ERCC6: variants seen among roughly 807,000 people sequenced by gnomAD.
ERCC6 encodes ERCC excision repair 6, chromatin remodeling factor.
ERCC6 carries 116 observed loss-of-function variants against 158.7 expected under a neutral mutation model. The ratio of observed to expected loss-of-function variants is 0.73; its 90% CI spans 0.63 to 0.85. The LOEUF (loss-of-function observed/expected upper bound fraction) is 0.85. Among genes scored for constraint, ERCC6 ranks in the 40% least tolerant of loss-of-function variants. The pLI, the probability that ERCC6 is intolerant of heterozygous loss-of-function variation, is 0.00. For synonymous variants in ERCC6, 678 were observed against 659.3 expected, an observed-to-expected ratio of 1.03 and a Z score of -0.43; for missense variants, 1,698 against 1,799.4, an observed-to-expected ratio of 0.94 and a Z score of 1.02.
chr10:49,496,201 T>G (rs1226330313), intron 7 of ERCC6, among the ~76,000 whole-genome samples: 1 of 152,134 alleles, frequency 6.6e-6, no homozygotes, highest in African/African-American at 2.4e-5. Flanking sequence ...CCTGTCCCTT[T>G]CTCTGTAAAC....
At chr10:49,530,577 C>A in intron 3 of ERCC6, 143 bp downstream of exon 3, 1 of 1,369,158 alleles carries the variant, frequency 7.3e-7, no homozygotes, top group Non-Finnish European at 9.7e-7. Flanking sequence ...ATTAAACATA[C>A]AAAAGAAACC....
intron 10 of ERCC6, among the ~76,000 whole-genome samples, chr10:49,481,248 G>C (rs530154728): frequency 2.6e-5 from 4 of 152,188 alleles, no homozygotes; most frequent in African/African-American, 9.7e-5. Context: ...GTGAATCTGG[G>C]TGAAGTGTTA....
At chr10:49,495,182 T>C (rs1300041706) in intron 7 of ERCC6, among the ~76,000 whole-genome samples, 2 of 152,172 alleles carry the variant, frequency 1.3e-5, no homozygotes, top group African/African-American at 4.8e-5. Flanking sequence ...TCAGTCTTGC[T>C]GGGAGTTGGG....
intron 4 of ERCC6, among the ~76,000 whole-genome samples, chr10:49,527,129 C>G (rs1293827609): frequency 6.6e-6 from 1 of 152,174 alleles, no homozygotes; most frequent in Admixed American, 6.5e-5. Context: ...AAAAGGGGCT[C>G]TTGGATTTGA....
chr10:49,475,326 C>T, intron 12 of ERCC6: 1 of 391,414 alleles, frequency 2.6e-6, no homozygotes, highest in Non-Finnish European at 5.1e-6. Flanking sequence ...ATTAATTTCA[C>T]CTGTTTCTCT....
rs1315875811 is a variant in ERCC6, at chr10:49,493,238, C to A, written c.1700G>T (p.Gly567Val). The change falls in exon 8 of 21, where the codon GGT (glycine) becomes GTT (valine). Residue 567 changes from glycine to valine, a missense_variant. Transcript: ENST00000355832. ...RGSNYRFEGL[G>V]PTVIVCPTTV... ...TGTTGGACAGACAATTACAGTTGGA[C>A]CCAACCCCTCAAACCTGCATCCAAA... 6.2e-7 allele frequency: 1 copy of A among 1,613,942 alleles called. No homozygotes were observed. The highest frequency in any genetic ancestry group is 8.5e-7 in the Non-Finnish European group (1 of 1,180,016).
rs752888214 is a variant in ERCC6, at chr10:49,472,867, T to G, written c.2829+42A>C. On this transcript the variant is annotated intron_variant, in intron 15 of 20. Coordinates refer to ENST00000355832, the MANE Select transcript of ERCC6 (RefSeq NM_000124.4). Reference sequence around the variant, plus strand: ...CAAAAGCGCTAACCATGAAACTATATTTCTACTAATACATTCTTTTAAAAA... The same window carrying G: ...CAAAAGCGCTAACCATGAAACTATAGTTCTACTAATACATTCTTTTAAAAA... 1.9e-6 allele frequency: 3 copies of G among 1,601,612 alleles called. No individual in the cohort carries two copies. In the Admixed American group the frequency reaches 5.0e-5, roughly 27 times the overall value.
chr10:49,440,682 C>G, the ERCC6 span, among the ~76,000 whole-genome samples: 1 of 152,152 alleles, frequency 6.6e-6, no homozygotes, highest in Non-Finnish European at 1.5e-5. Context: ...CCATTTAATT[C>G]TGCCTTCAAA....
At chr10:49,495,550 G>C (rs1851252618) in intron 7 of ERCC6, among the ~76,000 whole-genome samples, 1 of 152,012 alleles carries the variant, frequency 6.6e-6, no homozygotes, top group South Asian at 2.1e-4. Context: ...TCACTCTTCT[G>C]AACTCCAAAC....
At chr10:49,439,686 T>G in the ERCC6 span, among the ~76,000 whole-genome samples, 25 of 152,302 alleles carry the variant, frequency 1.6e-4, no homozygotes, top group Admixed American at 1.1e-3. Flanking sequence ...GCTGCAAATT[T>G]TCCAAACTTT....
intron 5 of ERCC6, among the ~76,000 whole-genome samples, chr10:49,513,445 T>G (rs942530833): frequency 6.6e-6 from 1 of 152,222 alleles, no homozygotes. Flanking sequence ...ATTCATTTAA[T>G]CTTTACAACC....
intron 18 of ERCC6, among the ~76,000 whole-genome samples, chr10:49,464,678 T>C (rs947725559): frequency 1.3e-5 from 2 of 152,106 alleles, no homozygotes; most frequent in Admixed American, 6.5e-5. Context: ...GTGTACTGTG[T>C]CCCAGCCACT....
intron 5 of ERCC6, among the ~76,000 whole-genome samples, chr10:49,522,780 G>A (rs1174340006): frequency 6.6e-6 from 1 of 152,118 alleles, no homozygotes; most frequent in African/African-American, 2.4e-5. Context: ...CAAGAGTACT[G>A]GGCAACATTC....
chr10:49,535,201 ACT>A (rs555789691), intron 1 of ERCC6, among the ~76,000 whole-genome samples: 6 of 152,242 alleles, frequency 3.9e-5, no homozygotes, highest in South Asian at 2.1e-4. Flanking sequence ...CAAAAATGAG[ACT>A]CTCAAAAAGG....
At chr10:49,515,022 G>A (rs562947169) in intron 5 of ERCC6, among the ~76,000 whole-genome samples, 38 of 152,308 alleles carry the variant, frequency 2.5e-4, no homozygotes, top group African/African-American at 8.7e-4. Flanking sequence ...AATGAAAGGT[G>A]TGTGCAGAGC....
rs997766228 is a variant in ERCC6 at position 49,455,351 on chromosome 10, C to A, written c.*3464G>T. On this transcript the variant is annotated 3_prime_UTR_variant, in exon 21 of 21. Transcript: ENST00000355832. Reference sequence around the variant, plus strand: ...TATTATTCTCAAATTAATGTGTAAACAAATGCAATCCTAGTCAAAAGAACA... The same window carrying A: ...TATTATTCTCAAATTAATGTGTAAAAAAATGCAATCCTAGTCAAAAGAACA... The A allele has an allele frequency of 1.3e-5, 2 of 152,098 alleles. No homozygotes were observed. The highest frequency in any genetic ancestry group is 4.1e-4 in the South Asian group (2 of 4,826). 9.4% of individuals were successfully genotyped at this position (152,098 alleles called of 1,614,324 possible).
chr10:49,505,899 A>T lies in ERCC6; in HGVS notation c.1511T>A (p.Phe504Tyr). The T allele has an allele frequency of 6.2e-7, 1 of 1,613,318 alleles. No individual in the cohort carries two copies. Among genetic ancestry groups the T allele is most frequent in the Non-Finnish European group, 8.5e-7 (1 of 1,179,500 alleles). Residue 504 changes from phenylalanine to tyrosine, a missense_variant, in exon 6 of 21, where the codon TTC becomes TAC. Physicochemically the swap from Phe to Tyr is conservative, Grantham distance 22. Transcript: ENST00000355832. ...DEGFKVPGFL[F>Y]KKLFKYQQTG... is the part of the protein sequence containing the mutation. ...TGGTACATACTTAAAAAGCTTTTTGAACAGAAAACCTGGCACTTTAAAACC... is the reference window on the plus strand; with the variant it reads ...TGGTACATACTTAAAAAGCTTTTTGTACAGAAAACCTGGCACTTTAAAACC...
At chr10:49,515,108 T>C in intron 5 of ERCC6, 1 of 1,041,644 alleles carries the variant, frequency 9.6e-7, no homozygotes, top group Non-Finnish European at 1.3e-6. Context: ...TAAGAAAACA[T>C]CTTTAACCCA....
Position 49,460,387 on chromosome 10 carries a change from T to G in ERCC6, c.4048A>C (p.Thr1350Pro), listed in dbSNP as rs1245390494. The change falls in exon 20 of 21, where the codon ACA becomes CCA. Residue 1350 changes from threonine (T) to proline (P), a missense_variant. Transcript: ENST00000355832. Reference sequence around the variant, plus strand: ...ATCTATATTACCTGGCACTTCTCTGTTGGAGATGTTGATGAAGGATGCTGC... The same window carrying G: ...ATCTATATTACCTGGCACTTCTCTGGTGGAGATGTTGATGAAGGATGCTGC... ...SVQHPSSTSP[T>P]EKCQDGIMKK... is the part of the protein sequence containing the mutation. The G allele has an allele frequency of 1.2e-5, 19 of 1,612,592 alleles. No individual in the cohort carries two copies. The highest frequency in any genetic ancestry group is 1.6e-5 in the Non-Finnish European group (19 of 1,178,598).
Sources: gnomAD v4.1 joint callset for allele counts (sites outside exome capture counted in the v4.1 genomes callset) on GRCh38, gnomAD v4.1.1 for gene constraint, MANE v1.5 for transcripts, NCBI Gene and HGNC (gene_info 2026-07-23, HGNC 2026-07-21) for gene names.